Variants in OSBP2 observed in about 807,000 individuals in gnomAD.
OSBP2 encodes oxysterol binding protein 2.
In OSBP2, 66 loss-of-function variants were observed where a neutral mutation model predicts 96.0. The ratio of observed to expected loss-of-function variants is 0.69; its 90% CI spans 0.56 to 0.84. OSBP2 has a LOEUF of 0.84. Ranked by LOEUF, OSBP2 falls within the 40% of genes least tolerant of loss-of-function variation. The pLI is 0.00. For synonymous variants in OSBP2, 525 were observed against 520.9 expected (o/e 1.01, Z -0.11); for missense variants, 1,038 against 1,222.7 (o/e 0.85, Z 2.25).
chr22:30,869,820 T>C (rs1481175084), intron 2 of OSBP2, among the ~76,000 whole-genome samples: 2 of 151,982 alleles, frequency 1.3e-5, no homozygotes, highest in African/African-American at 4.8e-5. Flanking sequence ...GCAGGACCTC[T>C]GGTGGGGGCA....
intron 1 of OSBP2, among the ~76,000 whole-genome samples, chr22:30,740,306 C>T (rs1013218069): frequency 2.0e-5 from 3 of 152,138 alleles, no homozygotes; most frequent in African/African-American, 4.8e-5. Flanking sequence ...GCCAGTTTAT[C>T]GATGTGGGTG....
intron 2 of OSBP2, among the ~76,000 whole-genome samples, chr22:30,809,505 G>A (rs1014845196): frequency 8.5e-5 from 13 of 152,208 alleles, no homozygotes; most frequent in African/African-American, 3.1e-4. Context: ...CCACCAGGGA[G>A]CGAAAGCCAG....
At position 30,870,703 on chromosome 22, in the gene OSBP2, C is replaced by T. The variant is rs368405292; in HGVS notation, c.1107+21C>T. The T allele has an allele frequency of 1.9e-6, 3 of 1,604,856 alleles. No homozygotes were observed. Among genetic ancestry groups the T allele is most frequent in the African/African-American group, 2.7e-5 (2 of 74,786 alleles). On this transcript the variant is annotated intron_variant, in intron 3 of 13. Coordinates refer to ENST00000332585, the MANE Select transcript of OSBP2 (RefSeq NM_030758.4). This position sits in a 1 kb window ranked among gnomAD's most constrained non-coding sequence, Gnocchi z 4.1. ...TCAACGTGAGTACCCACCCCCACCG[C>T]CCTGGCACGGGGCTCCCTGGCTCCA...
intron 2 of OSBP2, among the ~76,000 whole-genome samples, chr22:30,786,162 C>G (rs144489704): frequency 0.039 from 5,975 of 152,116 alleles, 219 homozygotes; most frequent in African/African-American, 0.1. Context: ...GCTGGGATTA[C>G]AGGCGTGTGC....
intron 1 of OSBP2, among the ~76,000 whole-genome samples, chr22:30,730,780 A>C (rs1271880962): frequency 0.058 from 1,454 of 24,856 alleles, 137 homozygotes; most frequent in South Asian, 0.074. Flanking sequence ...CTCTCTATAT[A>C]TATATATATA....
intron 2 of OSBP2, among the ~76,000 whole-genome samples, chr22:30,843,670 C>G (rs1345631249): frequency 6.6e-6 from 1 of 152,010 alleles, no homozygotes; most frequent in Admixed American, 6.6e-5. Context: ...TTAAGACCAG[C>G]CTGGGCAACA....
Position 30,891,019 on chromosome 22 carries a change from G to A in OSBP2, c.1869+46G>A, listed in dbSNP as rs984018311. On this transcript the variant is annotated intron_variant, in intron 8 of 13. Transcript: ENST00000332585. ...CTGGGTGGCGCCCACCCACACTCTG[G>A]CCAAGCTGTTCCTGCCAGGCCCAAG... The A allele has an allele frequency of 7.6e-6, 12 of 1,578,118 alleles. No individual in the cohort carries two copies. The African/African-American group carries it at 1.6e-4, about 21-fold the overall frequency.
At chr22:30,896,129 C>T (rs745531137) in intron 12 of OSBP2, among the ~76,000 whole-genome samples, 2 of 151,850 alleles carry the variant, frequency 1.3e-5, no homozygotes, top group Non-Finnish European at 2.9e-5. Flanking sequence ...AAGCGATTCT[C>T]CTGTCTCAGT....
At chr22:30,738,162 G>A (rs2089883826) in intron 1 of OSBP2, among the ~76,000 whole-genome samples, 1 of 146,900 alleles carries the variant, frequency 6.8e-6, no homozygotes, top group South Asian at 2.1e-4. Context: ...CTCTCTTGTT[G>A]TTGGCACTCT....
At chr22:30,891,504 G>T (rs986329486) in intron 8 of OSBP2, among the ~76,000 whole-genome samples, 19 of 152,218 alleles carry the variant, frequency 1.2e-4, no homozygotes, top group African/African-American at 4.6e-4. Context: ...TGATTCTGTT[G>T]GTGCTGGCGT....
chr22:30,837,371 T>A (rs2038657839), intron 2 of OSBP2, among the ~76,000 whole-genome samples: 1 of 152,130 alleles, frequency 6.6e-6, no homozygotes, highest in African/African-American at 2.4e-5. Context: ...CAGGCAGTGA[T>A]GCAGAAGCAT....
At chr22:30,755,930 T>G (rs1014895982) in intron 2 of OSBP2, among the ~76,000 whole-genome samples, 1 of 152,200 alleles carries the variant, frequency 6.6e-6, no homozygotes, top group African/African-American at 2.4e-5. Context: ...CCTCAACCCC[T>G]GGGCCTCGTT....
At chr22:30,721,313 C>T (rs763160507) in intron 1 of OSBP2, among the ~76,000 whole-genome samples, 4 of 152,180 alleles carry the variant, frequency 2.6e-5, no homozygotes, top group Admixed American at 1.3e-4. Flanking sequence ...AAGAAGGTCA[C>T]ATGTCATTGG....
chr22:30,896,210 G>A (rs2040064244), intron 12 of OSBP2, among the ~76,000 whole-genome samples: 1 of 151,950 alleles, frequency 6.6e-6, no homozygotes, highest in Non-Finnish European at 1.5e-5. Context: ...AGTAAAGACG[G>A]GGTTTCACCA....
At position 30,836,158 on chromosome 22, in the gene OSBP2, C is replaced by T. The variant is rs962288551; in HGVS notation, c.854-34271C>T. Among the ~76,000 whole-genome samples the T allele has an allele frequency of 4.6e-5, 7 of 152,310 alleles. No individual in the cohort carries two copies. The South Asian group carries it at 6.2e-4, about 14-fold the overall frequency. ...TATGCTTGGGTCTGTTTGGGGTGCT[C>T]GCTCTCATTTCACAGAACAATTTTT... On this transcript the variant is annotated intron_variant, in intron 2 of 13. Coordinates refer to ENST00000332585, the MANE Select transcript of OSBP2 (RefSeq NM_030758.4).
intron 3 of OSBP2, among the ~76,000 whole-genome samples, chr22:30,887,146 A>T (rs1048126824): frequency 1.3e-5 from 2 of 152,166 alleles, no homozygotes; most frequent in Admixed American, 6.5e-5. Flanking sequence ...TGTAGCAGTG[A>T]GGACGACCAG....
chr22:30,809,536 T>A (rs1230423156), intron 2 of OSBP2, among the ~76,000 whole-genome samples: 3 of 151,994 alleles, frequency 2.0e-5, no homozygotes, highest in Non-Finnish European at 4.4e-5. Flanking sequence ...GCCCCGTGAG[T>A]GAAGGCATGA....
rs34874706 is a variant in OSBP2 at position 30,722,787 on chromosome 22, C to CT, written c.645-18357dup. On this transcript the variant is annotated intron_variant, in intron 1 of 13. Coordinates refer to ENST00000332585, the MANE Select transcript of OSBP2 (RefSeq NM_030758.4). ...TCTTTCTTTCTTTCTCTCTCTCTGT[C>CT]TTTTTTTTTTTTTTTTTGACAGAGT... Among the ~76,000 whole-genome samples, 126 of 95,840 alleles carry CT rather than the reference C, an allele frequency of 1.3e-3. 2 individuals carry two copies. Among genetic ancestry groups the CT allele is most frequent in the African/African-American group, 1.6e-3 (39 of 24,402 alleles). The allele number at this position is 95,840 out of a possible 152,430, so 62.9% of individuals were successfully genotyped here.
At chr22:30,713,780 A>G (rs377251224) in intron 1 of OSBP2, among the ~76,000 whole-genome samples, 2 of 152,160 alleles carry the variant, frequency 1.3e-5, no homozygotes, top group South Asian at 2.1e-4. Flanking sequence ...GTTTTCATTG[A>G]CACATCATAA....
Sources: gnomAD v4.1 joint callset for allele counts (sites outside exome capture counted in the v4.1 genomes callset) on GRCh38, gnomAD v4.1.1 for gene constraint, Gnocchi (gnomAD v3.1) non-coding constraint, MANE v1.5 for transcripts, NCBI Gene and HGNC (gene_info 2026-07-23, HGNC 2026-07-21) for gene names.